The following ADARB2 variants were observed in gnomAD, a reference collection of about 807,000 sequenced individuals.
The protein encoded by ADARB2 is adenosine deaminase RNA specific B2 (inactive).
In ADARB2, 25 loss-of-function variants were observed where a neutral mutation model predicts 62.2. The ratio of observed to expected loss-of-function variants is 0.40; its 90% CI spans 0.29 to 0.56. The LOEUF (loss-of-function observed/expected upper bound fraction) is 0.56. Ranked by LOEUF, ADARB2 falls within the 20% of genes least tolerant of loss-of-function variation. ADARB2 has a pLI of 0.43. For synonymous variants in ADARB2, 572 were observed against 500.8 expected, an observed-to-expected ratio of 1.14 and a Z score of -1.90; for missense variants, 1,071 against 1,077.4, an observed-to-expected ratio of 0.99 and a Z score of 0.08.
At chr10:1,622,300 C>T (rs1010258539) in intron 1 of ADARB2, among the ~76,000 whole-genome samples, 7 of 152,104 alleles carry the variant, frequency 4.6e-5, no homozygotes, top group African/African-American at 1.7e-4. Flanking sequence ...TTCTTAGACA[C>T]AACATAAAAG....
At chr10:1,696,228 T>C (rs1834743638) in intron 1 of ADARB2, among the ~76,000 whole-genome samples, 1 of 152,126 alleles carries the variant, frequency 6.6e-6, no homozygotes, top group Admixed American at 6.5e-5. Context: ...TATGTGCGTA[T>C]ATGCATGTTT....
intron 3 of ADARB2, among the ~76,000 whole-genome samples, chr10:1,302,982 C>T (rs1031627449): frequency 3.0e-4 from 45 of 152,220 alleles, no homozygotes; most frequent in Non-Finnish European, 5.9e-4. Flanking sequence ...TCTCCTCCTC[C>T]AAAGGAACAC....
rs1365811129 is a variant in ADARB2, at chr10:1,182,080, C to T, written c.*1113G>A. The T allele has an allele frequency of 6.6e-6, 1 of 152,160 alleles. No individual in the cohort carries two copies. Among genetic ancestry groups the T allele is most frequent in the Non-Finnish European group, 1.5e-5 (1 of 68,032 alleles). 9.4% of individuals were successfully genotyped at this position (152,160 alleles called of 1,614,324 possible). A position where few individuals can be genotyped will look rare whatever the true frequency, so the allele number is the denominator to read the frequency against. Reference sequence around the variant, plus strand: ...TGAACTTTTTTGGGGTCTTGTCCTGCAAGGTGTTGATTGGAGAATCTGAAA... The same window carrying T: ...TGAACTTTTTTGGGGTCTTGTCCTGTAAGGTGTTGATTGGAGAATCTGAAA... On this transcript the variant is annotated 3_prime_UTR_variant, in exon 10 of 10. Transcript: ENST00000381312.
In ADARB2 at chr10:1,508,654, C is replaced by T. The variant is rs1276355423; in HGVS notation, c.101-129494G>A. Among the ~76,000 whole-genome samples the T allele has an allele frequency of 4.6e-5, 7 of 152,178 alleles. 1 individual carries two copies. The highest frequency in any genetic ancestry group is 1.7e-4 in the African/African-American group (7 of 41,430). ...ATTAGCCGGATGTGGTGGTGGGCAC[C>T]TGTATTTCCAGCTACTCAGGAGGCT... On this transcript the variant is annotated intron_variant, in intron 1 of 9. Transcript: ENST00000381312.
intron 1 of ADARB2, among the ~76,000 whole-genome samples, chr10:1,432,672 A>T (rs1830788628): frequency 6.6e-6 from 1 of 151,890 alleles, no homozygotes; most frequent in Non-Finnish European, 1.5e-5. Flanking sequence ...GCTGTGGTAC[A>T]GATTGCCATT....
At chr10:1,304,089 A>G (rs1423315533) in intron 3 of ADARB2, among the ~76,000 whole-genome samples, 2 of 150,948 alleles carry the variant, frequency 1.3e-5, no homozygotes, top group African/African-American at 4.8e-5. Context: ...CAAATTGGAT[A>G]AAGAGTCAAG....
intron 4 of ADARB2, among the ~76,000 whole-genome samples, chr10:1,261,777 C>G (rs995557447): frequency 6.7e-6 from 1 of 150,218 alleles, no homozygotes; most frequent in African/African-American, 2.5e-5. Context: ...TTTGACCCAG[C>G]CATTCCATTA....
rs1462401459 is a variant in ADARB2, at chr10:1,477,045, C to A, written c.101-97885G>T. On this transcript the variant is annotated intron_variant, in intron 1 of 9. Transcript: ENST00000381312. The surrounding 1 kb of genome is among the most constrained non-coding windows in gnomAD (Gnocchi z 4.5). ...TGACTCTCCCCAGATCCCCACCTGGCCTACGATCCAACCCCTAGAGCACCT... is the reference window on the plus strand; with the variant it reads ...TGACTCTCCCCAGATCCCCACCTGGACTACGATCCAACCCCTAGAGCACCT... 6.6e-6 allele frequency among the ~76,000 whole-genome samples: 1 copy of A among 152,144 alleles called. No homozygotes were observed. The highest frequency in any genetic ancestry group is 2.4e-5 in the African/African-American group (1 of 41,436).
At chr10:1,327,474 C>T (rs1380227922) in intron 3 of ADARB2, among the ~76,000 whole-genome samples, 14 of 82,790 alleles carry the variant, frequency 1.7e-4, no homozygotes, top group African/African-American at 5.8e-4. Context: ...CACTGCACAG[C>T]GCCTCCTCAC....
intron 1 of ADARB2, among the ~76,000 whole-genome samples, chr10:1,419,584 G>A (rs1206362187): frequency 2.0e-5 from 3 of 152,226 alleles, no homozygotes; most frequent in African/African-American, 4.8e-5. Context: ...CCAGAGGGAC[G>A]GTAAGCCCAG....
At chr10:1,305,939 C>T (rs1002912517) in intron 3 of ADARB2, among the ~76,000 whole-genome samples, 11 of 151,616 alleles carry the variant, frequency 7.3e-5, no homozygotes, top group East Asian at 1.9e-4. Context: ...AACCCACAGC[C>T]AATATCCTAC....
intron 1 of ADARB2, among the ~76,000 whole-genome samples, chr10:1,706,577 T>A (rs1021662096): frequency 1.3e-5 from 2 of 152,192 alleles, no homozygotes; most frequent in Non-Finnish European, 2.9e-5. Context: ...TTTTGATTCC[T>A]CCAAGTATTT....
chr10:1,701,815 G>A (rs1197823366), intron 1 of ADARB2, among the ~76,000 whole-genome samples: 16 of 131,834 alleles, frequency 1.2e-4, no homozygotes, highest in African/African-American at 4.0e-4. Context: ...GCCAATACAC[G>A]CAATCCCACT....
At position 1,540,537 on chromosome 10, in the gene ADARB2, ACCCTGGATCACAGCCGTCCAG is replaced by A. The variant is rs1404972252; in HGVS notation, c.101-161398_101-161378del. Among the ~76,000 whole-genome samples the A allele has an allele frequency of 6.7e-5, 7 of 103,996 alleles. 2 individuals carry two copies. The highest frequency in any genetic ancestry group is 5.9e-5 in the Non-Finnish European group (3 of 51,128). 68.2% of individuals were successfully genotyped at this position (103,996 alleles called of 152,430 possible). A position where few individuals can be genotyped will look rare whatever the true frequency, so the allele number is the denominator to read the frequency against. ...CAGACCCCACTCAGACGTAGTTCAGACCCTGGATCACAGCCGTCCAGACCCCACTCAGATGTAGTTCAGACC... is the reference window on the plus strand; with the variant it reads ...CAGACCCCACTCAGACGTAGTTCAGAACCCCACTCAGATGTAGTTCAGACC... On this transcript the variant is annotated intron_variant, in intron 1 of 9. Transcript: ENST00000381312.
At chr10:1,510,113 T>TTTCTTTCTTTCTTTCTTTCTTTCTTTC (rs1564312490) in intron 1 of ADARB2, among the ~76,000 whole-genome samples, 9 of 67,430 alleles carry the variant, frequency 1.3e-4, no homozygotes, top group African/African-American at 6.0e-4. Flanking sequence ...TCTTTCTCTC[T>TTTCTTTCTTTCTTTCTTTCTTTCTTTC]TTCTTTCTTT....
intron 1 of ADARB2, among the ~76,000 whole-genome samples, chr10:1,691,917 G>C (rs1230834072): frequency 6.6e-6 from 1 of 152,140 alleles, no homozygotes; most frequent in African/African-American, 2.4e-5. Flanking sequence ...GTGTGTGTGT[G>C]TGTGCACGCA....
At chr10:1,270,436 G>C (rs545092916) in intron 4 of ADARB2, among the ~76,000 whole-genome samples, 1 of 152,184 alleles carries the variant, frequency 6.6e-6, no homozygotes, top group Non-Finnish European at 1.5e-5. Context: ...TGTTATTAAT[G>C]GGTTGGTGGC....
chr10:1,274,023 G>A (rs1303987904), intron 3 of ADARB2, among the ~76,000 whole-genome samples: 1 of 152,052 alleles, frequency 6.6e-6, no homozygotes, highest in Non-Finnish European at 1.5e-5. Context: ...GGGCACTGAA[G>A]GGCTTCCCAC....
intron 7 of ADARB2, among the ~76,000 whole-genome samples, chr10:1,210,678 C>G (rs1011845480): frequency 1.1e-4 from 16 of 152,246 alleles, no homozygotes; most frequent in African/African-American, 3.9e-4. Flanking sequence ...TCTGACAAAA[C>G]AGCAGGTTTC....
Sources: allele counts gnomAD v4.1 joint callset (sites outside exome capture counted in the v4.1 genomes callset), GRCh38; gene constraint gnomAD v4.1.1; non-coding constraint Gnocchi (gnomAD v3.1); transcripts MANE v1.5; gene names NCBI Gene and HGNC (gene_info 2026-07-23, HGNC 2026-07-21).